Variants in ARHGEF40 observed in about 807,000 individuals in gnomAD.
ARHGEF40 encodes the protein Rho guanine nucleotide exchange factor (GEF) 40.
Under a neutral mutation model 165.9 loss-of-function variants are expected in ARHGEF40, and 98 were observed. The ratio of observed to expected loss-of-function variants is 0.59; its 90% CI spans 0.50 to 0.70. The LOEUF (loss-of-function observed/expected upper bound fraction) is 0.70, where lower values mean the gene tolerates loss of function less well. Ranked by LOEUF, ARHGEF40 falls within the 30% of genes least tolerant of loss-of-function variation. The pLI is 0.00. For missense variants in ARHGEF40, 1,815 were observed against 1,968.0 expected (o/e 0.92, Z 1.47); for synonymous variants, 792 against 814.3 (o/e 0.97, Z 0.47).
At chr14:21,086,773 C>T (rs1888366709) in intron 19 of ARHGEF40, 1 of 497,908 alleles carries the variant, frequency 2.0e-6, no homozygotes, top group East Asian at 3.2e-5. Context: ...CAGGATGCAA[C>T]ATATTGGAGA....
rs1446639661 is a variant in ARHGEF40 at position 21,078,498 on chromosome 14, A to T, written c.2246+10A>T. On this transcript the variant is annotated intron_variant, in intron 10 of 23. Transcript: ENST00000298694. ...CCACTCCCAGCAGCAAGTACGAAGTATGGGTGTGCGGAGGCAGGTGGAAGT... is the reference window on the plus strand; with the variant it reads ...CCACTCCCAGCAGCAAGTACGAAGTTTGGGTGTGCGGAGGCAGGTGGAAGT... The T allele has an allele frequency of 6.4e-7, 1 of 1,558,618 alleles. No individual in the cohort carries two copies. Among genetic ancestry groups the T allele is most frequent in the African/African-American group, 1.4e-5 (1 of 73,684 alleles).
chr14:21,076,025 CAACA>C (rs1368198994), intron 5 of ARHGEF40, among the ~76,000 whole-genome samples: 2 of 152,320 alleles, frequency 1.3e-5, no homozygotes, highest in African/African-American at 4.8e-5. Flanking sequence ...TTCACTGATT[CAACA>C]AACATTTATT....
rs745583801 is a variant in ARHGEF40, at chr14:21,087,393, G to C, written c.4317G>C (p.Pro1439=). ...GCCCCTCCCTTCCCGGCCTTTCGCCGGGAGCCTGCTCCCTGCCTGCCCGCG... is the reference window on the plus strand; with the variant it reads ...GCCCCTCCCTTCCCGGCCTTTCGCCCGGAGCCTGCTCCCTGCCTGCCCGCG... ...HAGPSLPGLS[P]GACSLPARVE... is the part of the protein sequence containing the mutation. The change falls in exon 21 of 24, where the codon CCG becomes CCC. Residue 1439 remains proline, a synonymous_variant. Coordinates refer to ENST00000298694, the MANE Select transcript of ARHGEF40 (RefSeq NM_018071.5). 8.1e-6 allele frequency: 13 copies of C among 1,603,088 alleles called. No homozygotes were observed. In the South Asian group the frequency reaches 1.1e-4, roughly 14 times the overall value.
upstream of ARHGEF40, among the ~76,000 whole-genome samples, chr14:21,067,493 C>T (rs140167542): frequency 7.8e-4 from 119 of 152,266 alleles, no homozygotes; most frequent in Non-Finnish European, 3.4e-4. Flanking sequence ...CGTCAGACAG[C>T]CTGGGTTCAC....
upstream of ARHGEF40, among the ~76,000 whole-genome samples, chr14:21,067,727 C>A (rs901506182): frequency 6.7e-6 from 1 of 149,780 alleles, no homozygotes; most frequent in African/African-American, 2.5e-5. Context: ...ACTAAAAACA[C>A]ACGTATCAAC....
intron 19 of ARHGEF40, 65 bp from the exon 20 acceptor site, chr14:21,086,936 C>A (rs1888385483): frequency 1.7e-6 from 2 of 1,204,894 alleles, no homozygotes; most frequent in South Asian, 1.5e-5. Flanking sequence ...AAAAATCAAC[C>A]ATGACATGCT....
At chr14:21,077,674 G>A (rs981432138) in intron 8 of ARHGEF40, among the ~76,000 whole-genome samples, 1 of 152,154 alleles carries the variant, frequency 6.6e-6, no homozygotes, top group South Asian at 2.1e-4. Flanking sequence ...AATTGCTAAA[G>A]GTCCTTCCAG....
chr14:21,081,984 G>A lies in ARHGEF40; in HGVS notation c.3116G>A (p.Gly1039Asp), dbSNP rs1253932509. The A allele has an allele frequency of 1.9e-6, 3 of 1,589,166 alleles. No individual in the cohort carries two copies. The highest frequency in any genetic ancestry group is 2.6e-6 in the Non-Finnish European group (3 of 1,167,526). The change falls in exon 14 of 24, where the codon GGC becomes GAC. Residue 1039 changes from glycine (G) to aspartate (D), a missense_variant. Physicochemically the swap from Gly to Asp is moderately conservative, Grantham distance 94 (BLOSUM62 -1). Transcript: ENST00000298694. ...GRPPRAVLIR[G>D]LEVTSTEVVD... ...CCCCCAAGAGCTGTGCTGATCCGAGGCCTGGAGGTCACCAGCACTGAGGTG... is the reference window on the plus strand; with the variant it reads ...CCCCCAAGAGCTGTGCTGATCCGAGACCTGGAGGTCACCAGCACTGAGGTG...
Position 21,087,843 on chromosome 14 carries a change from A to G in ARHGEF40, c.4388-125A>G, listed in dbSNP as rs1051246146. On this transcript the variant is annotated intron_variant, in intron 21 of 23. Coordinates refer to ENST00000298694, the MANE Select transcript of ARHGEF40 (RefSeq NM_018071.5). ...TGGTAGGGGGTTCCCTTGCAACTGG[A>G]TCGCTATGGTGACTCACAGCTTCCT... The G allele has an allele frequency of 3.0e-6, 4 of 1,341,630 alleles. No individual in the cohort carries two copies. The African/African-American group carries it at 5.8e-5, about 19-fold the overall frequency. 83.1% of individuals were successfully genotyped at this position (1,341,630 alleles called of 1,614,324 possible).
chr14:21,078,572 AC>A, intron 10 of ARHGEF40, 84 bp downstream of exon 10: 1 of 1,345,776 alleles, frequency 7.4e-7, no homozygotes, highest in Non-Finnish European at 1.0e-6. Context: ...TAGCTGCCAG[AC>A]CATTCTTACT....
At position 21,074,487 on chromosome 14, in the gene ARHGEF40, AG is replaced by A; in HGVS notation, c.762del (p.Ser255AlafsTer96). ...GCTGTTAGAGGTGACGCTGCCCGTG[AG>A]GGGGAGCCCAACAGATGCTGAAGGC... is the stretch of plus-strand genomic sequence containing the variant. ...VELLEVTLPV[R>X]GSPTDAEGSP... On this transcript the variant is annotated frameshift_variant, in exon 3 of 24. Coordinates refer to ENST00000298694, the MANE Select transcript of ARHGEF40 (RefSeq NM_018071.5). LOFTEE classifies it high-confidence loss of function. This position sits in a 1 kb window ranked among gnomAD's most constrained non-coding sequence, Gnocchi z 4.8. 6.4e-7 allele frequency: 1 copy of A among 1,562,178 alleles called. No individual in the cohort carries two copies. The highest frequency in any genetic ancestry group is 1.2e-5 in the South Asian group (1 of 84,556).
chr14:21,073,579 CG>C lies in ARHGEF40; in HGVS notation c.201+338del, dbSNP rs1319490611. ...GAATTTCTCAAGACACTAACTCCCC[CG>C]TACATTAGTCAACAGAGATCATTCA... On this transcript the variant is annotated intron_variant, in intron 2 of 23. Transcript: ENST00000298694. The surrounding 1 kb of genome is among the most constrained non-coding windows in gnomAD (Gnocchi z 4.6). Among the ~76,000 whole-genome samples, 12 of 152,104 alleles carry C rather than the reference CG, an allele frequency of 7.9e-5. No homozygotes were observed. Among genetic ancestry groups the C allele is most frequent in the Admixed American group, 7.9e-4 (12 of 15,268 alleles).
upstream of ARHGEF40, among the ~76,000 whole-genome samples, chr14:21,067,403 G>A (rs1415756460): frequency 1.3e-5 from 2 of 152,108 alleles, no homozygotes; most frequent in African/African-American, 4.8e-5. Flanking sequence ...TGGTGATGTG[G>A]TGTTTAAAAC....
rs1403912326 is a variant in ARHGEF40, at chr14:21,074,546, C to A, written c.816C>A (p.Pro272=). The change falls in exon 3 of 24, where the codon CCC becomes CCA. Residue 272 remains proline, a synonymous_variant. Coordinates refer to ENST00000298694, the MANE Select transcript of ARHGEF40 (RefSeq NM_018071.5). The surrounding 1 kb of genome is among the most constrained non-coding windows in gnomAD (Gnocchi z 4.8). ...GCCTCTCCAGAGTCCGGACGGTACC[C>A]ACCCGCAAGGGCGCTGGAGGGAAGG... is the stretch of plus-strand genomic sequence containing the variant. ...SPGLSRVRTV[P]TRKGAGGKGR... 1 of 1,552,012 alleles carries A rather than the reference C, an allele frequency of 6.4e-7. No homozygotes were observed. Among genetic ancestry groups the A allele is most frequent in the Non-Finnish European group, 8.7e-7 (1 of 1,148,900 alleles).
Position 21,070,424 on chromosome 14 carries a change from G to A in ARHGEF40, c.3+25G>A. 7.1e-7 allele frequency: 1 copy of A among 1,404,780 alleles called. No homozygotes were observed. The highest frequency in any genetic ancestry group is 9.2e-7 in the Non-Finnish European group (1 of 1,088,414). 87.0% of individuals were successfully genotyped at this position (1,404,780 alleles called of 1,614,324 possible). Reference sequence around the variant, plus strand: ...GGTGAGTCCAGCGTCGCAGCCCCCTGGGTCCCCTCGGCCTTCGCGCAGCCC... The same window carrying A: ...GGTGAGTCCAGCGTCGCAGCCCCCTAGGTCCCCTCGGCCTTCGCGCAGCCC... On this transcript the variant is annotated intron_variant, in intron 1 of 23. Transcript: ENST00000298694. The surrounding 1 kb of genome is among the most constrained non-coding windows in gnomAD (Gnocchi z 4.7).
chr14:21,088,515 CA>C lies in ARHGEF40; in HGVS notation c.4519-302del, dbSNP rs5807065. Among the ~76,000 whole-genome samples, 46 of 142,592 alleles carry C rather than the reference CA, an allele frequency of 3.2e-4. 1 individual carries two copies. Among genetic ancestry groups the C allele is most frequent in the African/African-American group, 1.1e-3 (40 of 37,904 alleles). The allele number at this position is 142,592 out of a possible 152,430, so 93.5% of individuals were successfully genotyped here. A position where few individuals can be genotyped will look rare whatever the true frequency, so the allele number is the denominator to read the frequency against. ...GCAACATAGTGAGACTCCATCTCTA[CA>C]AAAAAAAAAAAATTAAATTAGCCGG... is the stretch of plus-strand genomic sequence containing the variant. On this transcript the variant is annotated intron_variant, in intron 22 of 23. Transcript: ENST00000298694.
intron 22 of ARHGEF40, 60 bp from the exon 23 acceptor site, chr14:21,088,769 GA>G: frequency 1.3e-6 from 2 of 1,544,002 alleles, no homozygotes; most frequent in Non-Finnish European, 1.8e-6. Flanking sequence ...AGGAATGGAG[GA>G]AAAGAGAGAG....
In ARHGEF40 at chr14:21,074,156, C is replaced by T; in HGVS notation, c.426C>T (p.Ala142=). Residue 142 remains alanine (A), a synonymous_variant, in exon 3 of 24, where the codon GCC becomes GCT. Transcript: ENST00000298694. This position sits in a 1 kb window ranked among gnomAD's most constrained non-coding sequence, Gnocchi z 4.8. ...QEVPVPNEAC[A]YLFTPEWLQG... ...TTCCTGTGCCCAATGAGGCTTGTGCCTACCTATTCACACCTGAGTGGCTAC... is the reference window on the plus strand; with the variant it reads ...TTCCTGTGCCCAATGAGGCTTGTGCTTACCTATTCACACCTGAGTGGCTAC... 1 of 1,614,120 alleles carries T rather than the reference C, an allele frequency of 6.2e-7. No individual in the cohort carries two copies. Among genetic ancestry groups the T allele is most frequent in the Non-Finnish European group, 8.5e-7 (1 of 1,180,020 alleles).
chr14:21,080,579 T>G, intron 11 of ARHGEF40, 81 bp from the exon 12 acceptor site: 1 of 1,473,074 alleles, frequency 6.8e-7, no homozygotes, highest in South Asian at 1.3e-5. Flanking sequence ...TAGATTGGGG[T>G]GGTGGGGCTG....
Sources: gnomAD v4.1 joint callset for allele counts (sites outside exome capture counted in the v4.1 genomes callset) on GRCh38, gnomAD v4.1.1 for gene constraint, Gnocchi (gnomAD v3.1) non-coding constraint, MANE v1.5 for transcripts, NCBI Gene and HGNC (gene_info 2026-07-23, HGNC 2026-07-21) for gene names.